Variants in DNAH5 observed in about 807,000 individuals in gnomAD.
DNAH5 encodes axonemal beta dynein heavy chain 5.
Under a neutral mutation model 518.2 loss-of-function variants are expected in DNAH5, and 372 were observed. The ratio of observed to expected loss-of-function variants is 0.72; its 90% CI spans 0.66 to 0.78. The LOEUF is 0.78. DNAH5 is among the 30% of genes least tolerant of loss of function. The pLI is 0.00. For missense variants in DNAH5, 5,523 were observed against 5,687.0 expected (o/e 0.97, Z 0.93); for synonymous variants, 2,039 against 2,025.9 (o/e 1.01, Z -0.17).
In DNAH5 at chr5:13,844,693, C is replaced by A. The variant is rs1013150437; in HGVS notation, c.5271+144G>T. The stretch of plus-strand genomic sequence containing the variant: ...CACAGTTCTGAAGGTAAATTGGGCC[C>A]CGAGATTTGTTTTTAGTCACTGGCC... On this transcript the variant is annotated intron_variant, in intron 32 of 78. Coordinates refer to ENST00000265104, the MANE Select transcript of DNAH5 (RefSeq NM_001369.3). 1.1e-5 allele frequency: 11 copies of A among 1,006,078 alleles called. No homozygotes were observed. The African/African-American group carries it at 1.6e-4, about 15-fold the overall frequency. The allele number at this position is 1,006,078 out of a possible 1,614,324, so 62.3% of individuals were successfully genotyped here. A position where few individuals can be genotyped will look rare whatever the true frequency, so the allele number is the denominator to read the frequency against.
At chr5:13,815,481 T>C (rs1017253542) in intron 42 of DNAH5, among the ~76,000 whole-genome samples, 1 of 152,122 alleles carries the variant, frequency 6.6e-6, no homozygotes, top group Non-Finnish European at 1.5e-5. Context: ...TTCTGCAACA[T>C]GGGGTACAGC....
chr5:13,751,389 T>G, intron 64 of DNAH5, 129 bp from the exon 65 acceptor site: 1 of 934,092 alleles, frequency 1.1e-6, no homozygotes, highest in Non-Finnish European at 1.6e-6. Context: ...AAAAAAGAAA[T>G]GGTCATGAGG....
At chr5:13,791,005 C>T (rs1466536652) in intron 50 of DNAH5, among the ~76,000 whole-genome samples, 1 of 151,986 alleles carries the variant, frequency 6.6e-6, no homozygotes, top group Non-Finnish European at 1.5e-5. Context: ...ATAATCTGTA[C>T]AATAAGCCCC....
At position 13,914,547 on chromosome 5, in the gene DNAH5, T is replaced by C; in HGVS notation, c.1293A>G (p.Lys431=). 6.2e-7 allele frequency: 1 copy of C among 1,613,388 alleles called. No individual in the cohort carries two copies. The highest frequency in any genetic ancestry group is 8.5e-7 in the Non-Finnish European group (1 of 1,179,500). Residue 431 remains lysine (K), a synonymous_variant, in exon 10 of 79, where the codon AAA becomes AAG. Transcript: ENST00000265104. ...GTTTCAGTTTAATCGCAGATAGTATTTTTTCTTCAACAACATCCTGTGGCT... is the reference window on the plus strand; with the variant it reads ...GTTTCAGTTTAATCGCAGATAGTATCTTTTCTTCAACAACATCCTGTGGCT... ...WNQPQDVVEE[K]ILSAIKLKQE...
intron 1 of DNAH5, among the ~76,000 whole-genome samples, chr5:13,956,052 C>T (rs1780744457): frequency 6.6e-6 from 1 of 152,108 alleles, no homozygotes; most frequent in African/African-American, 2.4e-5. Flanking sequence ...GGTACATGCT[C>T]TTCCCTAAAT....
At chr5:13,991,665 T>G (rs1191933953) in intron 1 of DNAH5, among the ~76,000 whole-genome samples, 1 of 151,402 alleles carries the variant, frequency 6.6e-6, no homozygotes, top group East Asian at 1.9e-4. Flanking sequence ...AGAGGAGTCA[T>G]GGAGAAACGA....
chr5:13,997,002 G>C (rs1419024225), intron 1 of DNAH5, among the ~76,000 whole-genome samples: 2 of 152,166 alleles, frequency 1.3e-5, no homozygotes, highest in African/African-American at 2.4e-5. Context: ...GGCATCCTTT[G>C]AAATCTAGGT....
chr5:13,998,307 G>C (rs568413271), intron 1 of DNAH5, among the ~76,000 whole-genome samples: 1 of 152,162 alleles, frequency 6.6e-6, no homozygotes, highest in Non-Finnish European at 1.5e-5. Flanking sequence ...CCCTTTATAA[G>C]GACATTACTC....
chr5:13,742,443 A>T (rs1426716168), intron 65 of DNAH5, among the ~76,000 whole-genome samples: 4 of 152,090 alleles, frequency 2.6e-5, no homozygotes, highest in South Asian at 4.1e-4. Context: ...CTATTTTGAA[A>T]GGTCCAAAAA....
chr5:13,701,147 G>T (rs1273502851), intron 77 of DNAH5, 137 bp downstream of exon 77: 3 of 1,185,756 alleles, frequency 2.5e-6, no homozygotes, highest in Admixed American at 3.7e-5. Flanking sequence ...TGGGATTTAT[G>T]TACATGACAA....
In DNAH5 at chr5:13,894,721, G is replaced by T. The variant is rs755395400; in HGVS notation, c.2360C>A (p.Pro787His). 3 of 1,613,994 alleles carry T rather than the reference G, an allele frequency of 1.9e-6. No homozygotes were observed. Among genetic ancestry groups the T allele is most frequent in the African/African-American group, 2.7e-5 (2 of 74,926 alleles). ...TGTCCAGGTCAGTGCAGCCAAGCCA[G>T]GTTGGAGAGCTTCATCCACTTTGGC... ...HLAKVDEALQ[P>H]GLAALTWTSL... The change falls in exon 16 of 79, where the codon CCT becomes CAT. Residue 787 changes from proline (P) to histidine (H), a missense_variant. This residue lies in a region of DNAH5 where 5,121 missense variants were observed against 5,223.3 expected (regional missense o/e 0.98). Transcript: ENST00000265104.
chr5:13,711,457 C>A (rs1743460953), intron 75 of DNAH5, among the ~76,000 whole-genome samples: 1 of 152,150 alleles, frequency 6.6e-6, no homozygotes, highest in Non-Finnish European at 1.5e-5. Context: ...AGAACCAGAA[C>A]AAGACAAGGA....
chr5:13,809,094 CA>C lies in DNAH5; in HGVS notation c.7701del (p.Asp2568ThrfsTer3). The C allele has an allele frequency of 6.2e-7, 1 of 1,614,194 alleles. No homozygotes were observed. The highest frequency in any genetic ancestry group is 8.5e-7 in the Non-Finnish European group (1 of 1,180,044). ...PEYGSILVPN[V>X]DNVRTDFLIQ... Reference sequence around the variant, plus strand: ...ATTAGAAAGTCAGTCCTCACATTGTCAACATTTGGCACCAGAATAGAACCAT... The same window carrying C: ...ATTAGAAAGTCAGTCCTCACATTGTCACATTTGGCACCAGAATAGAACCAT... On this transcript the variant is annotated frameshift_variant, in exon 46 of 79. Transcript: ENST00000265104. LOFTEE classifies it high-confidence loss of function.
chr5:13,957,424 A>G (rs190565177), intron 1 of DNAH5, among the ~76,000 whole-genome samples: 1 of 152,344 alleles, frequency 6.6e-6, no homozygotes, highest in Non-Finnish European at 1.5e-5. Flanking sequence ...AAGTTACTGA[A>G]TGCTTTAATG....
intron 76 of DNAH5, among the ~76,000 whole-genome samples, chr5:13,703,126 C>T (rs1345370990): frequency 6.6e-6 from 1 of 152,134 alleles, no homozygotes; most frequent in Non-Finnish European, 1.5e-5. Flanking sequence ...TCCATCCCTT[C>T]TCTTAACTGA....
intron 12 of DNAH5, among the ~76,000 whole-genome samples, chr5:13,909,788 TCTGA>T (rs1775764318): frequency 6.6e-6 from 1 of 152,200 alleles, no homozygotes; most frequent in African/African-American, 2.4e-5. Context: ...CTGCCTCCTA[TCTGA>T]CTATGAGCTG....
Position 13,885,022 on chromosome 5 carries a change from G to C in DNAH5, c.2950C>G (p.Arg984Gly). ...TRNTLEAIRK[R>G]IHSSHTINFR... is the part of the protein sequence containing the mutation. ...TTAATTGTGTGAGAGGAATGAATAC[G>C]TTTGCGAATGGCCTCTAGTGTATTC... Residue 984 changes from arginine to glycine, a missense_variant, in exon 19 of 79, where the codon CGT becomes GGT. Physicochemically the swap from Arg to Gly is moderately radical, Grantham distance 125. This residue lies in a region of DNAH5 where 5,121 missense variants were observed against 5,223.3 expected (regional missense o/e 0.98). Transcript: ENST00000265104. 6.2e-7 allele frequency: 1 copy of C among 1,614,214 alleles called. No individual in the cohort carries two copies. The highest frequency in any genetic ancestry group is 1.1e-5 in the South Asian group (1 of 91,090).
chr5:13,770,936 C>T lies in DNAH5; in HGVS notation c.9418G>A (p.Glu3140Lys). 6.2e-7 allele frequency: 1 copy of T among 1,614,046 alleles called. No individual in the cohort carries two copies. ...CATTGGACCACCTCCTTCTTGATTT[C>T]CAAACTGCAGTCAATATCATAGGAA... The part of the protein sequence containing the change: ...LTSYDIDCSL[E>K]IKKEVVQCMG... Residue 3140 changes from glutamate to lysine, a missense_variant, in exon 56 of 79, where the codon GAA (glutamate) becomes AAA (lysine). Glu to Lys is a moderately conservative substitution (Grantham distance 56, BLOSUM62 1). Transcript: ENST00000265104.
rs188095036 is a variant in DNAH5 at position 13,967,789 on chromosome 5, C to T, written c.13-36545G>A. Among the ~76,000 whole-genome samples the T allele has an allele frequency of 2.9e-3, 380 of 131,318 alleles. 13 individuals carry two copies. The highest frequency in any genetic ancestry group is 0.02 in the Admixed American group (244 of 12,376). 86.1% of individuals were successfully genotyped at this position (131,318 alleles called of 152,430 possible). On this transcript the variant is annotated intron_variant, in intron 1 of 78. Coordinates refer to the DNAH5 transcript ENST00000681290. ...AATTTGTAGATTGCTTTTGGCCACA[C>T]GGTCATTTTCACAATAATGATTCTA... is the stretch of plus-strand genomic sequence containing the variant.
Sources: allele counts gnomAD v4.1 joint callset (sites outside exome capture counted in the v4.1 genomes callset), GRCh38; gene constraint gnomAD v4.1.1; regional missense constraint gnomAD v4.1.1; transcripts MANE v1.5; gene names NCBI Gene and HGNC (gene_info 2026-07-23, HGNC 2026-07-21).